Variants in GMPR observed in about 807,000 individuals in gnomAD.
GMPR encodes the protein guanosine monophosphate reductase, also known as GMP reductase 1.
Under a neutral mutation model 38.4 loss-of-function variants are expected in GMPR, and 31 were observed. The ratio of observed to expected loss-of-function variants is 0.81; its 90% CI spans 0.61 to 1.09. The LOEUF is 1.09. GMPR is among the 50% of genes least tolerant of loss of function. The pLI, the probability that GMPR is intolerant of heterozygous loss-of-function variation, is 0.00. For missense variants in GMPR, 468 were observed against 453.7 expected (o/e 1.03, Z -0.29); for synonymous variants, 162 against 173.3 (o/e 0.93, Z 0.51).
At chr6:16,275,306 C>T (rs1677558148) in intron 5 of GMPR, among the ~76,000 whole-genome samples, 1 of 152,066 alleles carries the variant, frequency 6.6e-6, no homozygotes, top group Non-Finnish European at 1.5e-5. Context: ...AATGACACTA[C>T]CAAAAAAGGA....
At chr6:16,265,842 C>T (rs976064623) in intron 4 of GMPR, among the ~76,000 whole-genome samples, 9 of 152,052 alleles carry the variant, frequency 5.9e-5, no homozygotes, top group East Asian at 1.9e-4. Flanking sequence ...TTTCTTCGTT[C>T]GCTTGCTGCT....
chr6:16,277,830 G>A (rs1050780896), intron 5 of GMPR, among the ~76,000 whole-genome samples: 7 of 152,142 alleles, frequency 4.6e-5, no homozygotes, highest in Admixed American at 1.3e-4. Flanking sequence ...CCAAGAGAGA[G>A]AACATTGTGT....
intron 1 of GMPR, 75 bp downstream of exon 1, chr6:16,238,855 G>A (rs1277684807): frequency 5.9e-6 from 4 of 678,404 alleles, no homozygotes; most frequent in African/African-American, 5.6e-5. Flanking sequence ...GGTGGAAGGG[G>A]GTGGCACCGG....
chr6:16,270,909 A>G (rs1759371401), intron 4 of GMPR, among the ~76,000 whole-genome samples: 2 of 152,320 alleles, frequency 1.3e-5, no homozygotes, highest in East Asian at 3.9e-4. Context: ...GACTTTGGCC[A>G]GTTGAGGTGG....
intron 6 of GMPR, among the ~76,000 whole-genome samples, chr6:16,281,696 GGC>G (rs1759577653): frequency 6.6e-6 from 1 of 151,178 alleles, no homozygotes; most frequent in African/African-American, 2.4e-5. Context: ...TTTTAGTAGA[GGC>G]AGGGTTTCAC....
chr6:16,246,361 T>C (rs965647679), intron 1 of GMPR, among the ~76,000 whole-genome samples: 20 of 152,332 alleles, frequency 1.3e-4, no homozygotes, highest in Non-Finnish European at 5.9e-5. Context: ...TGAAAGATCC[T>C]CATAATTAAA....
rs1296868131 is a variant in GMPR, at chr6:16,285,785, C to T, written c.655-8C>T. 3 of 1,612,828 alleles carry T rather than the reference C, an allele frequency of 1.9e-6. No homozygotes were observed. Among genetic ancestry groups the T allele is most frequent in the Non-Finnish European group, 2.5e-6 (3 of 1,179,132 alleles). On this transcript the variant is annotated splice_region_variant and splice_polypyrimidine_tract_variant and intron_variant, in intron 6 of 8. Coordinates refer to ENST00000259727, the MANE Select transcript of GMPR (RefSeq NM_006877.4). ...TGATGTCCTGTCCTTGCTTTTTCCT[C>T]TGTGAAGGATGGAGGCTGTACGTGT...
chr6:16,276,948 T>A (rs1759483085), intron 5 of GMPR, among the ~76,000 whole-genome samples: 1 of 152,164 alleles, frequency 6.6e-6, no homozygotes, highest in African/African-American at 2.4e-5. Context: ...CTTGGCTGTT[T>A]CCAAGAAAGG....
chr6:16,276,453 G>A (rs1759473751), intron 5 of GMPR, among the ~76,000 whole-genome samples: 1 of 152,166 alleles, frequency 6.6e-6, no homozygotes, highest in Non-Finnish European at 1.5e-5. Context: ...TTCCAGGTGT[G>A]AGCCACCACA....
At chr6:16,270,838 G>A (rs1249998435) in intron 4 of GMPR, among the ~76,000 whole-genome samples, 1 of 152,188 alleles carries the variant, frequency 6.6e-6, no homozygotes, top group African/African-American at 2.4e-5. Context: ...GGGATGGAGA[G>A]ACATTTGCAC....
intron 4 of GMPR, among the ~76,000 whole-genome samples, chr6:16,266,797 A>C (rs1192476311): frequency 6.6e-6 from 1 of 150,946 alleles, no homozygotes; most frequent in African/African-American, 2.4e-5. Context: ...TCAAAAAACA[A>C]ACAAACAAAA....
intron 1 of GMPR, among the ~76,000 whole-genome samples, chr6:16,243,783 T>G (rs1224544849): frequency 1.3e-5 from 2 of 152,150 alleles, no homozygotes; most frequent in Non-Finnish European, 2.9e-5. Context: ...CTCCAAGTAC[T>G]CAGGATCCTG....
rs565669267 is a variant in GMPR at position 16,267,187 on chromosome 6, C to T, written c.466-7228C>T. ...GACCATCCTGGCTAACACGGTGAAA[C>T]CCTATCTCTACTAAAAGTACAAAAA... On this transcript the variant is annotated intron_variant, in intron 4 of 8. Transcript: ENST00000259727. Among the ~76,000 whole-genome samples the T allele has an allele frequency of 4.6e-5, 7 of 152,138 alleles. No homozygotes were observed. The East Asian group carries it at 1.4e-3, about 30-fold the overall frequency.
chr6:16,290,902 G>T (rs1296552262), intron 8 of GMPR, among the ~76,000 whole-genome samples: 2 of 152,176 alleles, frequency 1.3e-5, no homozygotes, highest in Non-Finnish European at 2.9e-5. Context: ...ACCTCTGGGG[G>T]TAGGTGGAAT....
intron 2 of GMPR, among the ~76,000 whole-genome samples, chr6:16,248,395 G>A (rs1758802194): frequency 6.6e-6 from 1 of 151,314 alleles, no homozygotes; most frequent in African/African-American, 2.4e-5. Flanking sequence ...GAGGTGCAGA[G>A]CGTCTTCTGC....
At chr6:16,283,146 C>G (rs889866614) in intron 6 of GMPR, among the ~76,000 whole-genome samples, 1 of 152,160 alleles carries the variant, frequency 6.6e-6, no homozygotes, top group Non-Finnish European at 1.5e-5. Context: ...GGCAGGCTGA[C>G]AGTTCACAAG....
At chr6:16,261,499 C>T (rs879252357) in intron 4 of GMPR, among the ~76,000 whole-genome samples, 1 of 151,788 alleles carries the variant, frequency 6.6e-6, no homozygotes, top group Non-Finnish European at 1.5e-5. Flanking sequence ...GAATAATGGA[C>T]TGTGGAGAGA....
intron 8 of GMPR, 99 bp downstream of exon 8, chr6:16,290,720 A>C (rs1161474385): frequency 4.0e-6 from 4 of 1,005,312 alleles, no homozygotes; most frequent in Non-Finnish European, 6.0e-6. Context: ...TGTGTATATT[A>C]AAGTACCGTG....
chr6:16,259,604 A>C (rs968615862), intron 4 of GMPR, among the ~76,000 whole-genome samples: 3 of 151,858 alleles, frequency 2.0e-5, no homozygotes, highest in Admixed American at 1.3e-4. Context: ...CCGAAGGAAG[A>C]TTTTGTGGTA....
Sources: allele counts gnomAD v4.1 joint callset (sites outside exome capture counted in the v4.1 genomes callset), GRCh38; gene constraint gnomAD v4.1.1; transcripts MANE v1.5; gene names NCBI Gene and HGNC (gene_info 2026-07-23, HGNC 2026-07-21).